SRSF10: variants seen among roughly 807,000 people sequenced by gnomAD.
SRSF10 encodes the protein serine and arginine rich splicing factor 10, also known as serine/arginine-rich splicing factor 10.
In SRSF10, 9 loss-of-function variants were observed where a neutral mutation model predicts 32.6. The observed-to-expected ratio is 0.28, with a 90% CI of 0.17 to 0.48. The LOEUF (loss-of-function observed/expected upper bound fraction) is 0.48. Ranked by LOEUF, SRSF10 falls within the 20% of genes least tolerant of loss-of-function variation. The pLI, the probability that SRSF10 is intolerant of heterozygous loss-of-function variation, is 0.99. For missense variants in SRSF10, 201 were observed against 331.8 expected (o/e 0.61, Z 3.06); for synonymous variants, 105 against 112.4 (o/e 0.93, Z 0.42).
At chr1:23,975,817 A>G (rs2148508748) in intron 2 of SRSF10, 1 of 152,302 alleles carries the variant, frequency 6.6e-6, no homozygotes, top group Admixed American at 6.5e-5. Flanking sequence ...CCTAACCATG[A>G]CCCTAAATAT....
chr1:23,977,218 TGAATTTAAGCAGGAA>T (rs1279625937), intron 2 of SRSF10: 1 of 152,216 alleles, frequency 6.6e-6, no homozygotes, highest in East Asian at 1.9e-4. Flanking sequence ...TGAGGCTCAC[TGAATTTAAGCAGGAA>T]GAACTTTTCC....
chr1:23,971,631 A>C lies in SRSF10; in HGVS notation c.438-5T>G, dbSNP rs1202675056. 1 of 1,609,348 alleles carries C rather than the reference A, an allele frequency of 6.2e-7. No individual in the cohort carries two copies. The highest frequency in any genetic ancestry group is 8.5e-7 in the Non-Finnish European group (1 of 1,179,418). The stretch of plus-strand genomic sequence containing the variant: ...GGTCTTCCAGTCGGTCTACTGCTAA[A>C]AAGCATATCAGAAAAAGCAGTGACA... On this transcript the variant is annotated splice_polypyrimidine_tract_variant and splice_region_variant and intron_variant, in intron 4 of 5. Coordinates refer to ENST00000492112, the MANE Select transcript of SRSF10 (RefSeq NM_054016.4).
In SRSF10 at chr1:23,979,219, T is replaced by C. The variant is rs1038562925; in HGVS notation, c.66-402A>G. Among the ~76,000 whole-genome samples the C allele has an allele frequency of 4.6e-5, 7 of 152,100 alleles. No homozygotes were observed. In the East Asian group the frequency reaches 1.2e-3, roughly 25 times the overall value. The stretch of plus-strand genomic sequence containing the variant: ...CACAAATATCGAACTTCTTAAATAG[T>C]TAAGTGTCAAGATGACGTAAAGAGA... On this transcript the variant is annotated intron_variant, in intron 1 of 5. Transcript: ENST00000492112.
rs1050621530 is a variant in SRSF10, at chr1:23,980,176, C to G, written c.65+15G>C. The G allele has an allele frequency of 9.1e-6, 14 of 1,532,406 alleles. No homozygotes were observed. The highest frequency in any genetic ancestry group is 1.2e-5 in the Non-Finnish European group (14 of 1,138,754). The allele number at this position is 1,532,406 out of a possible 1,614,324, so 94.9% of individuals were successfully genotyped here. On this transcript the variant is annotated intron_variant, in intron 1 of 5. Coordinates refer to ENST00000492112, the MANE Select transcript of SRSF10 (RefSeq NM_054016.4). Reference sequence around the variant, plus strand: ...GCCTCCCCGCCTAGGCCCGGAGTACCTGCCTTGTACCTACCTGGTGTCGTC... The same window carrying G: ...GCCTCCCCGCCTAGGCCCGGAGTACGTGCCTTGTACCTACCTGGTGTCGTC...
Position 23,971,959 on chromosome 1 carries a change from A to T in SRSF10, c.328T>A (p.Tyr110Asn). Reference sequence around the variant, plus strand: ...CGTCTGTATCTGTCATAATCATCATAGCGTGAAGAACTGTACACATTCCTC... The same window carrying T: ...CGTCTGTATCTGTCATAATCATCATTGCGTGAAGAACTGTACACATTCCTC... ...EGRNVYSSSR[Y>N]DDYDRYRRSR... Residue 110 changes from tyrosine to asparagine, a missense_variant, in exon 4 of 6, where the codon TAT becomes AAT. Coordinates refer to ENST00000492112, the MANE Select transcript of SRSF10 (RefSeq NM_054016.4). The T allele has an allele frequency of 6.3e-7, 1 of 1,586,350 alleles. No homozygotes were observed. Among genetic ancestry groups the T allele is most frequent in the Non-Finnish European group, 8.5e-7 (1 of 1,170,748 alleles).
chr1:23,974,561 G>A (rs972107295), intron 3 of SRSF10, among the ~76,000 whole-genome samples: 19 of 152,142 alleles, frequency 1.2e-4, no homozygotes, highest in African/African-American at 3.9e-4. Flanking sequence ...AGTAGCTCAC[G>A]CCTGTAATCC....
chr1:23,979,625 C>T (rs961122220), intron 1 of SRSF10, among the ~76,000 whole-genome samples: 2 of 152,184 alleles, frequency 1.3e-5, no homozygotes, highest in African/African-American at 4.8e-5. Context: ...ATAAGAAAAA[C>T]TACTCGCAAC....
intron 2 of SRSF10, chr1:23,978,251 A>AT: frequency 2.0e-6 from 2 of 986,350 alleles, no homozygotes; most frequent in Non-Finnish European, 2.4e-6. Flanking sequence ...TGGGGTCGCC[A>AT]TAACTGTACA....
chr1:23,979,889 G>A (rs1391384008), intron 1 of SRSF10, among the ~76,000 whole-genome samples: 1 of 152,038 alleles, frequency 6.6e-6, no homozygotes, highest in Non-Finnish European at 1.5e-5. Flanking sequence ...GTCGGGTCGC[G>A]GAAAGGCCGC....
intron 1 of SRSF10, 59 bp downstream of exon 1, chr1:23,980,132 T>TC: frequency 6.7e-7 from 1 of 1,488,488 alleles, no homozygotes; most frequent in Non-Finnish European, 9.0e-7. Flanking sequence ...ACCACCAGGG[T>TC]CCTCTCCAGG....
intron 1 of SRSF10, among the ~76,000 whole-genome samples, 155 bp downstream of exon 1, chr1:23,980,036 G>T (rs896857210): frequency 6.6e-6 from 1 of 152,256 alleles, no homozygotes; most frequent in Admixed American, 6.5e-5. Flanking sequence ...CGGCGGCTGA[G>T]GCCCGCTGCG....
chr1:23,979,524 C>A (rs902601895), intron 1 of SRSF10, among the ~76,000 whole-genome samples: 2 of 152,126 alleles, frequency 1.3e-5, no homozygotes, highest in South Asian at 2.1e-4. Flanking sequence ...ATTTAAGGTA[C>A]GTCTGAATTA....
chr1:23,968,162 T>G lies in SRSF10; in HGVS notation c.*2980A>C, dbSNP rs1481618997. Reference sequence around the variant, plus strand: ...CGTAAAGATCCTCATCAAGTATCAGTAGGATCCAAACTACCATGGGTTCAA... The same window carrying G: ...CGTAAAGATCCTCATCAAGTATCAGGAGGATCCAAACTACCATGGGTTCAA... On this transcript the variant is annotated 3_prime_UTR_variant, in exon 6 of 6. Transcript: ENST00000492112. 6.6e-6 allele frequency among the ~76,000 whole-genome samples: 1 copy of G among 152,138 alleles called. No individual in the cohort carries two copies. The highest frequency in any genetic ancestry group is 1.5e-5 in the Non-Finnish European group (1 of 68,008).
At chr1:23,974,702 A>G (rs1641979186) in intron 3 of SRSF10, among the ~76,000 whole-genome samples, 1 of 151,944 alleles carries the variant, frequency 6.6e-6, no homozygotes, top group African/African-American at 2.4e-5. Context: ...GGTGGCATGC[A>G]CCTGTAATCC....
Position 23,978,780 on chromosome 1 carries a change from G to T in SRSF10, c.103C>A (p.Pro35Thr). Reference protein sequence around the residue: ...DLRREFGRYGPIVDVYVPLDF... With the variant: ...DLRREFGRYGTIVDVYVPLDF... ...AGTGGAACATACACATCAACTATAG[G>T]ACCATAACGACCAAATTCACGCCGC... Residue 35 changes from proline to threonine, a missense_variant, in exon 2 of 6, where the codon CCT (proline) becomes ACT (threonine). Physicochemically the swap from Pro to Thr is conservative, Grantham distance 38. This residue lies in a region of SRSF10 where 41 missense variants were observed against 109.5 expected (regional missense o/e 0.37). Transcript: ENST00000492112. 1 of 1,608,128 alleles carries T rather than the reference G, an allele frequency of 6.2e-7. No homozygotes were observed. The highest frequency in any genetic ancestry group is 8.5e-7 in the Non-Finnish European group (1 of 1,176,816).
intron 2 of SRSF10, 122 bp from the exon 3 acceptor site, chr1:23,975,199 C>A: frequency 1.3e-6 from 1 of 768,242 alleles, no homozygotes; most frequent in Non-Finnish European, 2.3e-6. Context: ...ACCAGACCCC[C>A]ACTTACTAGT....
intron 1 of SRSF10, among the ~76,000 whole-genome samples, chr1:23,979,198 A>G (rs1642275366): frequency 6.6e-6 from 1 of 152,158 alleles, no homozygotes; most frequent in African/African-American, 2.4e-5. Flanking sequence ...AAAAGTCACA[A>G]ATATCGAACT....
At chr1:23,980,017 G>A (rs907109904) in intron 1 of SRSF10, among the ~76,000 whole-genome samples, 174 bp downstream of exon 1, 2 of 152,222 alleles carry the variant, frequency 1.3e-5, no homozygotes, top group Non-Finnish European at 2.9e-5. Flanking sequence ...CGCCGCCCTC[G>A]CTCCCACGCG....
At position 23,970,062 on chromosome 1, in the gene SRSF10, G is replaced by A; in HGVS notation, c.*1080C>T. The A allele has an allele frequency of 1.0e-6, 1 of 985,350 alleles. No individual in the cohort carries two copies. The highest frequency in any genetic ancestry group is 1.2e-6 in the Non-Finnish European group (1 of 829,886). The allele number at this position is 985,350 out of a possible 1,614,324, so 61.0% of individuals were successfully genotyped here. A position where few individuals can be genotyped will look rare whatever the true frequency, so the allele number is the denominator to read the frequency against. On this transcript the variant is annotated 3_prime_UTR_variant, in exon 6 of 6. Transcript: ENST00000492112. ...GAAACAATTTACTTACTTAACAGCA[G>A]TAAGAAAACTAAGCAATATTATGGT... is the stretch of plus-strand genomic sequence containing the variant.
Sources: gnomAD v4.1 joint callset for allele counts (sites outside exome capture counted in the v4.1 genomes callset) on GRCh38, gnomAD v4.1.1 for gene constraint, gnomAD v4.1.1 regional missense constraint, MANE v1.5 for transcripts, NCBI Gene and HGNC (gene_info 2026-07-23, HGNC 2026-07-21) for gene names.